The following COL6A6 variants were observed in gnomAD, a reference collection of about 807,000 sequenced individuals.
The protein encoded by COL6A6 is collagen type VI alpha 6 chain.
COL6A6 carries 183 observed loss-of-function variants against 208.6 expected under a neutral mutation model. The observed-to-expected ratio is 0.88, with a 90% CI of 0.78 to 0.99. The LOEUF (loss-of-function observed/expected upper bound fraction) is 0.99. COL6A6 is among the 50% of genes least tolerant of loss of function. COL6A6 has a pLI of 0.00. For synonymous variants in COL6A6, 973 were observed against 1,011.8 expected (o/e 0.96, Z 0.73); for missense variants, 2,816 against 2,815.2 (o/e 1.00, Z -0.01).
Position 130,649,098 on chromosome 3 carries a change from G to A in COL6A6, c.5269G>A (p.Glu1757Lys), listed in dbSNP as rs1455071749. ...ACCGGAATGCCCAGTGCACCCAACC[G>A]AGTTGGTGTTTGCCCTGGACCACTC... ...GKPECPVHPT[E>K]LVFALDHSRD... Residue 1757 changes from glutamate (E) to lysine (K), a missense_variant, in exon 33 of 37, where the codon GAG becomes AAG. Transcript: ENST00000358511. 5.7e-6 allele frequency: 9 copies of A among 1,574,334 alleles called. No homozygotes were observed. Among genetic ancestry groups the A allele is most frequent in the Non-Finnish European group, 7.8e-6 (9 of 1,159,486 alleles).
At chr3:130,558,540 A>C (rs1443166055) in intron 1 of COL6A6, among the ~76,000 whole-genome samples, 1 of 152,212 alleles carries the variant, frequency 6.6e-6, no homozygotes, top group African/African-American at 2.4e-5. Flanking sequence ...CAGATGCTGC[A>C]TGCTGCTTTG....
intron 2 of COL6A6, among the ~76,000 whole-genome samples, chr3:130,562,746 G>A (rs537555088): frequency 6.6e-6 from 1 of 151,996 alleles, no homozygotes; most frequent in African/African-American, 2.4e-5. Context: ...TAAAACCCAT[G>A]ATTTTTTATT....
chr3:130,622,204 C>CG (rs1298066473), intron 24 of COL6A6, among the ~76,000 whole-genome samples: 3 of 107,982 alleles, frequency 2.8e-5, no homozygotes, highest in African/African-American at 7.8e-5. Context: ...CCCCCGCCTA[C>CG]CCCCCCCTTT....
At chr3:130,554,507 T>G (rs539495027) in intron 1 of COL6A6, among the ~76,000 whole-genome samples, 1 of 152,292 alleles carries the variant, frequency 6.6e-6, no homozygotes, top group East Asian at 1.9e-4. Context: ...TGTGTGCATA[T>G]TCACATTGGG....
At chr3:130,588,990 C>A in intron 11 of COL6A6, 100 bp from the exon 12 acceptor site, 1 of 640,404 alleles carries the variant, frequency 1.6e-6, no homozygotes, top group Non-Finnish European at 2.6e-6. Context: ...GACCAGGCTT[C>A]TGAAACTGTG....
At chr3:130,526,755 T>C (rs1374169994) in intron 1 of COL6A6, among the ~76,000 whole-genome samples, 1 of 152,194 alleles carries the variant, frequency 6.6e-6, no homozygotes, top group Non-Finnish European at 1.5e-5. Flanking sequence ...TTTACACTTA[T>C]TCATGTAATT....
intron 24 of COL6A6, among the ~76,000 whole-genome samples, chr3:130,624,944 A>G (rs1342540665): frequency 6.6e-6 from 1 of 152,212 alleles, no homozygotes; most frequent in Non-Finnish European, 1.5e-5. Flanking sequence ...ACTTGACTCT[A>G]CCAATAACCA....
chr3:130,621,705 G>A (rs146337572), intron 23 of COL6A6, 116 bp from the exon 24 acceptor site: 82 of 728,196 alleles, frequency 1.1e-4, no homozygotes, highest in Non-Finnish European at 1.2e-4. Flanking sequence ...AGCAAGGATC[G>A]ATACAGCCAT....
chr3:130,644,465 G>A (rs377482828), intron 31 of COL6A6, among the ~76,000 whole-genome samples: 2 of 152,284 alleles, frequency 1.3e-5, no homozygotes, highest in African/African-American at 4.8e-5. Context: ...AACAGTACAG[G>A]TCTAAAGCAA....
intron 25 of COL6A6, 118 bp from the exon 26 acceptor site, chr3:130,627,201 A>T: frequency 1.2e-6 from 1 of 859,228 alleles, no homozygotes; most frequent in Non-Finnish European, 1.9e-6. Flanking sequence ...TAGAAGGAGG[A>T]TCCTGTGTCC....
chr3:130,521,917 C>A (rs527914658), intron 1 of COL6A6, among the ~76,000 whole-genome samples: 2 of 151,240 alleles, frequency 1.3e-5, no homozygotes, highest in Non-Finnish European at 2.9e-5. Flanking sequence ...CCTACCTGCT[C>A]ATTAACATTG....
chr3:130,533,997 C>T (rs149405306), intron 1 of COL6A6, among the ~76,000 whole-genome samples: 385 of 152,320 alleles, frequency 2.5e-3, no homozygotes, highest in African/African-American at 8.7e-3. Flanking sequence ...GCAATTTTTA[C>T]GAACATATAT....
At chr3:130,612,975 C>T (rs1044242115) in intron 23 of COL6A6, among the ~76,000 whole-genome samples, 1 of 152,118 alleles carries the variant, frequency 6.6e-6, no homozygotes, top group Admixed American at 6.5e-5. Flanking sequence ...TGTATGTTGT[C>T]TGTTTACTCT....
intron 35 of COL6A6, among the ~76,000 whole-genome samples, 158 bp downstream of exon 35, chr3:130,662,466 G>A (rs1265439343): frequency 1.3e-5 from 2 of 152,122 alleles, no homozygotes; most frequent in Non-Finnish European, 2.9e-5. Flanking sequence ...GATGGTAGAA[G>A]GGAGGAAACC....
intron 4 of COL6A6, among the ~76,000 whole-genome samples, chr3:130,565,872 C>T (rs1202563607): frequency 6.6e-6 from 1 of 152,132 alleles, no homozygotes; most frequent in African/African-American, 2.4e-5. Context: ...CATCCATGTT[C>T]CAGAATACCT....
intron 1 of COL6A6, among the ~76,000 whole-genome samples, chr3:130,557,428 A>G (rs1219976281): frequency 6.6e-6 from 1 of 152,170 alleles, no homozygotes; most frequent in African/African-American, 2.4e-5. Context: ...CTTAAGGCTC[A>G]CTCTGAATAT....
Position 130,675,476 on chromosome 3 carries a change from C to T in COL6A6, c.*79C>T. On this transcript the variant is annotated 3_prime_UTR_variant, in exon 37 of 37. Coordinates refer to ENST00000358511, the MANE Select transcript of COL6A6 (RefSeq NM_001102608.3). ...ATAGTAACTAAATCTGCTGCCAGAACTCAAGCAACAGTTTGTAGGTTATCA... is the reference window on the plus strand; with the variant it reads ...ATAGTAACTAAATCTGCTGCCAGAATTCAAGCAACAGTTTGTAGGTTATCA... The T allele has an allele frequency of 2.8e-6, 3 of 1,063,134 alleles. No homozygotes were observed. The highest frequency in any genetic ancestry group is 4.0e-6 in the Non-Finnish European group (3 of 749,064). The allele number at this position is 1,063,134 out of a possible 1,614,324, so 65.9% of individuals were successfully genotyped here.
At position 130,642,846 on chromosome 3, in the gene COL6A6, C is replaced by G. The variant is rs2065357495; in HGVS notation, c.5169C>G (p.Ala1723=). 6.2e-7 allele frequency: 1 copy of G among 1,613,828 alleles called. No individual in the cohort carries two copies. The highest frequency in any genetic ancestry group is 2.2e-5 in the East Asian group (1 of 44,882). ...GPPGRKGVKG[A]KGLASFSTCE... ...TGTTTTCCTAGGGTGTGAAAGGAGC[C>G]AAAGGCTTGGCTTCATTTTCTGTAC... The change falls in exon 30 of 37, where the codon GCC becomes GCG. Residue 1723 remains alanine (A), a synonymous_variant. Transcript: ENST00000358511.
At chr3:130,575,811 A>G (rs2063281300) in intron 8 of COL6A6, among the ~76,000 whole-genome samples, 1 of 152,134 alleles carries the variant, frequency 6.6e-6, no homozygotes. Flanking sequence ...GGGTCCATTC[A>G]TAGGTCCTTC....
Sources: allele counts gnomAD v4.1 joint callset (sites outside exome capture counted in the v4.1 genomes callset), GRCh38; gene constraint gnomAD v4.1.1; transcripts MANE v1.5; gene names NCBI Gene and HGNC (gene_info 2026-07-23, HGNC 2026-07-21).